Variants in CASZ1 observed in about 807,000 individuals in gnomAD.
CASZ1 encodes zinc finger protein castor homolog 1.
In CASZ1, 28 loss-of-function variants were observed where a neutral mutation model predicts 135.2. The ratio of observed to expected loss-of-function variants is 0.21; its 90% CI spans 0.15 to 0.28. CASZ1 has a LOEUF of 0.28. Ranked by LOEUF, CASZ1 falls within the 10% of genes least tolerant of loss-of-function variation. CASZ1 has a pLI of 1.00. For missense variants in CASZ1, 2,161 were observed against 2,453.3 expected, an observed-to-expected ratio of 0.88 and a Z score of 2.52; for synonymous variants, 1,068 against 1,073.4, an observed-to-expected ratio of 0.99 and a Z score of 0.10.
intron 2 of CASZ1, among the ~76,000 whole-genome samples, chr1:10,733,092 T>C (rs186478427): frequency 6.6e-6 from 1 of 152,146 alleles, no homozygotes; most frequent in African/African-American, 2.4e-5. Context: ...TTCAAAATCA[T>C]CACTGAGAGG....
rs1423654302 is a variant in CASZ1 at position 10,700,032 on chromosome 1, GAGAC to G, written c.-24+5456_-24+5459del. Among the ~76,000 whole-genome samples, 7 of 151,022 alleles carry G rather than the reference GAGAC, an allele frequency of 4.6e-5. No homozygotes were observed. The highest frequency in any genetic ancestry group is 2.1e-4 in the South Asian group (1 of 4,762). ...AAACAGAGACAGAGAAAGAGAGAGA[GAGAC>G]AGAGAGAGAGAGAAAGAGAGACAGA... On this transcript the variant is annotated intron_variant, in intron 3 of 20. Transcript: ENST00000377022. This position sits in a 1 kb window ranked among gnomAD's most constrained non-coding sequence, Gnocchi z 4.2.
At chr1:10,742,646 C>T (rs927084842) in intron 2 of CASZ1, among the ~76,000 whole-genome samples, 17 of 152,070 alleles carry the variant, frequency 1.1e-4, no homozygotes, top group Admixed American at 3.3e-4. Flanking sequence ...CTTATCTGAG[C>T]GCATTGAAAG....
At chr1:10,728,023 C>T (rs1345680354) in intron 2 of CASZ1, among the ~76,000 whole-genome samples, 3 of 152,236 alleles carry the variant, frequency 2.0e-5, no homozygotes, top group Non-Finnish European at 4.4e-5. Context: ...CTACCACCGC[C>T]TATGCTCCGG....
chr1:10,733,969 T>C (rs2100514410), intron 2 of CASZ1, among the ~76,000 whole-genome samples: 1 of 152,288 alleles, frequency 6.6e-6, no homozygotes, highest in Middle Eastern at 3.4e-3. Context: ...ACTGTTACAT[T>C]AATAACTAGC....
At chr1:10,688,320 A>G (rs1638659072) in intron 4 of CASZ1, among the ~76,000 whole-genome samples, 1 of 152,172 alleles carries the variant, frequency 6.6e-6, no homozygotes, top group African/African-American at 2.4e-5. Flanking sequence ...GAAAGGTTGC[A>G]TGGGGCAAGA....
At chr1:10,750,780 T>C (rs1640136746) in intron 2 of CASZ1, among the ~76,000 whole-genome samples, 1 of 152,086 alleles carries the variant, frequency 6.6e-6, no homozygotes, top group African/African-American at 2.4e-5. Flanking sequence ...CGACCTGTAA[T>C]CTCAGCTACT....
At chr1:10,764,416 A>G (rs1640435733) in intron 1 of CASZ1, among the ~76,000 whole-genome samples, 1 of 152,262 alleles carries the variant, frequency 6.6e-6, no homozygotes, top group African/African-American at 2.4e-5. Context: ...CCAAAGTGAG[A>G]ACTCTTGGTA....
intron 1 of CASZ1, among the ~76,000 whole-genome samples, chr1:10,763,603 T>A (rs1360178334): frequency 6.6e-6 from 1 of 152,090 alleles, no homozygotes; most frequent in African/African-American, 2.4e-5. Context: ...TCCTCCTATA[T>A]CCTCCACCAC....
At chr1:10,781,288 C>T (rs572608124) in intron 1 of CASZ1, among the ~76,000 whole-genome samples, 211 of 152,376 alleles carry the variant, frequency 1.4e-3, no homozygotes, top group African/African-American at 4.8e-3. Context: ...CAGGGAGATC[C>T]CTGGGTTTGT....
rs376100087 is a variant in CASZ1 at position 10,645,102 on chromosome 1, C to T, written c.3697-14G>A. 16 of 1,612,068 alleles carry T rather than the reference C, an allele frequency of 9.9e-6. No individual in the cohort carries two copies. Among genetic ancestry groups the T allele is most frequent in the Middle Eastern group, 1.7e-4 (1 of 6,030 alleles). On this transcript the variant is annotated splice_polypyrimidine_tract_variant and intron_variant, in intron 17 of 20. Coordinates refer to ENST00000377022, the MANE Select transcript of CASZ1 (RefSeq NM_001079843.3). ...GAACTCGCAGTGCTGCAGGGAGACACGGGAGGGTCAGGACAGGCGGGTGAC... is the reference window on the plus strand; with the variant it reads ...GAACTCGCAGTGCTGCAGGGAGACATGGGAGGGTCAGGACAGGCGGGTGAC...
chr1:10,682,961 A>G (rs981702011), intron 4 of CASZ1, among the ~76,000 whole-genome samples: 2 of 152,180 alleles, frequency 1.3e-5, no homozygotes, highest in African/African-American at 4.8e-5. Flanking sequence ...TGTCCATTCT[A>G]GCTATTCCAC....
chr1:10,645,203 G>T, intron 17 of CASZ1, 115 bp from the exon 18 acceptor site: 2 of 892,772 alleles, frequency 2.2e-6, no homozygotes, highest in Non-Finnish European at 3.5e-6. Flanking sequence ...CTGCTCAGAA[G>T]CTGATGATCA....
At chr1:10,682,286 T>G (rs1570468766) in intron 4 of CASZ1, among the ~76,000 whole-genome samples, 1 of 149,776 alleles carries the variant, frequency 6.7e-6, no homozygotes, top group Non-Finnish European at 1.5e-5. Flanking sequence ...AAGTGGGGGG[T>G]GCCGGGACGG....
At chr1:10,649,041 G>A (rs1642465662) in intron 15 of CASZ1, 29 bp downstream of exon 15, 1 of 1,608,522 alleles carries the variant, frequency 6.2e-7, no homozygotes, top group Admixed American at 1.7e-5. Flanking sequence ...GTGGGGCTCT[G>A]TGGAAATGGC....
intron 2 of CASZ1, among the ~76,000 whole-genome samples, chr1:10,718,657 GGA>G (rs1557529825): frequency 1.3e-5 from 2 of 152,154 alleles, no homozygotes; most frequent in Non-Finnish European, 2.9e-5. Flanking sequence ...CAGTGCCTTG[GGA>G]CACAGTCACC....
intron 1 of CASZ1, among the ~76,000 whole-genome samples, chr1:10,780,248 G>T (rs1019933953): frequency 5.3e-5 from 8 of 152,174 alleles, no homozygotes; most frequent in African/African-American, 1.4e-4. Context: ...TCGGGAAAAT[G>T]GTACAAATAT....
intron 1 of CASZ1, among the ~76,000 whole-genome samples, chr1:10,771,154 G>A (rs1379920232): frequency 6.6e-6 from 1 of 152,110 alleles, no homozygotes; most frequent in Non-Finnish European, 1.5e-5. Context: ...TTTCTCCATA[G>A]CGCCAAGCTG....
At chr1:10,772,736 C>T (rs1447968073) in intron 1 of CASZ1, among the ~76,000 whole-genome samples, 1 of 152,138 alleles carries the variant, frequency 6.6e-6, no homozygotes, top group Non-Finnish European at 1.5e-5. Context: ...TGCAGAGACA[C>T]CATAAAGGAA....
chr1:10,649,512 C>A (rs909086244), intron 13 of CASZ1, 75 bp from the exon 14 acceptor site: 12 of 1,496,558 alleles, frequency 8.0e-6, no homozygotes, highest in South Asian at 6.6e-5. Context: ...GAGCAACAGC[C>A]GAAGCTCTGG....
Sources: gnomAD v4.1 joint callset for allele counts (sites outside exome capture counted in the v4.1 genomes callset) on GRCh38, gnomAD v4.1.1 for gene constraint, Gnocchi (gnomAD v3.1) non-coding constraint, MANE v1.5 for transcripts, NCBI Gene and HGNC (gene_info 2026-07-23, HGNC 2026-07-21) for gene names.